Variants in LZTS1 observed in about 807,000 individuals in gnomAD.
LZTS1 encodes leucine zipper putative tumor suppressor 1.
LZTS1 carries 31 observed loss-of-function variants against 45.8 expected under a neutral mutation model. The ratio of observed to expected loss-of-function variants is 0.68; its 90% CI spans 0.51 to 0.91. The LOEUF (loss-of-function observed/expected upper bound fraction) is 0.91. Ranked by LOEUF, LZTS1 falls within the 40% of genes least tolerant of loss-of-function variation. The probability of loss-of-function intolerance (pLI) is 0.00; values close to 1 mark genes in which losing one functional copy is unlikely to be tolerated. For synonymous variants in LZTS1, 359 were observed against 357.3 expected, an observed-to-expected ratio of 1.00 and a Z score of -0.05; for missense variants, 821 against 788.9, an observed-to-expected ratio of 1.04 and a Z score of -0.49.
intron 1 of LZTS1, among the ~76,000 whole-genome samples, chr8:20,281,405 C>CAA (rs57769805): frequency 1.5e-5 from 2 of 133,656 alleles, no homozygotes; most frequent in Admixed American, 7.5e-5. Flanking sequence ...ACTAAAAATA[C>CAA]AAAAAAAAAA....
rs189952459 is a variant in LZTS1 at position 20,256,117 on chromosome 8, A to T, written c.-134-802T>A. Among the ~76,000 whole-genome samples, 7 of 151,530 alleles carry T rather than the reference A, an allele frequency of 4.6e-5. No individual in the cohort carries two copies. The East Asian group carries it at 1.4e-3, about 29-fold the overall frequency. ...AAGAAAAGAAAATGAGGTGCAAGTC[A>T]TATGAAAATCTAGGGGGAGAGGGGT... is the stretch of plus-strand genomic sequence containing the variant. On this transcript the variant is annotated intron_variant, in intron 1 of 3. Coordinates refer to ENST00000381569, the MANE Select transcript of LZTS1 (RefSeq NM_021020.5).
rs1585272538 is a variant in LZTS1 at position 20,250,352 on chromosome 8, C to A, written c.1161G>T (p.Lys387Asn). Residue 387 changes from lysine (K) to asparagine (N), a missense_variant, in exon 4 of 4, where the codon AAG becomes AAT. Lys to Asn is a moderately conservative substitution (Grantham distance 94). Transcript: ENST00000381569. ...LEETQWEVCQ[K>N]SGEISLLKQQ... is the part of the protein sequence containing the mutation. ...GCTTCAGGAGGGAGATCTCGCCTGA[C>A]TTCTGGCACACCTGCCGAGGGTGGG... 1 of 1,600,614 alleles carries A rather than the reference C, an allele frequency of 6.2e-7. No individual in the cohort carries two copies. The highest frequency in any genetic ancestry group is 8.5e-7 in the Non-Finnish European group (1 of 1,171,710).
intron 1 of LZTS1, among the ~76,000 whole-genome samples, chr8:20,266,024 A>AT (rs1175112355): frequency 0.011 from 1,608 of 144,590 alleles, 17 homozygotes; most frequent in African/African-American, 0.028. Context: ...ATGCTCAACA[A>AT]TTTTTTTTTT....
In LZTS1 at chr8:20,249,843, T is replaced by A. The variant is rs1563847257; in HGVS notation, c.1670A>T (p.Asn557Ile). 6.2e-7 allele frequency: 1 copy of A among 1,614,196 alleles called. No individual in the cohort carries two copies. Among genetic ancestry groups the A allele is most frequent in the Non-Finnish European group, 8.5e-7 (1 of 1,180,024 alleles). The change falls in exon 4 of 4, where the codon AAC (asparagine) becomes ATC (isoleucine). Residue 557 changes from asparagine (N) to isoleucine (I), a missense_variant. Asn to Ile is a moderately radical substitution (Grantham distance 149). Coordinates refer to ENST00000381569, the MANE Select transcript of LZTS1 (RefSeq NM_021020.5). The stretch of plus-strand genomic sequence containing the variant: ...CTGCAGGGCCTTCTCCAGGCGCTGG[T>A]TCCGCTGGTACATGGCCACGTAGCT... ...QQSYVAMYQR[N>I]QRLEKALQQL...
intron 1 of LZTS1, among the ~76,000 whole-genome samples, chr8:20,299,338 C>T (rs1801032026): frequency 6.6e-6 from 1 of 152,228 alleles, no homozygotes; most frequent in Admixed American, 6.5e-5. Context: ...AAGGTTCTGG[C>T]TCACCTGCCT....
At chr8:20,263,985 G>A (rs921128197) in intron 1 of LZTS1, among the ~76,000 whole-genome samples, 1 of 151,510 alleles carries the variant, frequency 6.6e-6, no homozygotes, top group Non-Finnish European at 1.5e-5. Flanking sequence ...AAACATCTCA[G>A]AGCTGGAGTC....
At chr8:20,262,567 G>A (rs1188800772) in intron 1 of LZTS1, among the ~76,000 whole-genome samples, 1 of 150,820 alleles carries the variant, frequency 6.6e-6, no homozygotes. Flanking sequence ...CTGATAAAGT[G>A]GTTTTGTAAA....
intron 1 of LZTS1, among the ~76,000 whole-genome samples, chr8:20,257,359 C>CA (rs920437640): frequency 8.3e-4 from 123 of 147,312 alleles, no homozygotes; most frequent in African/African-American, 2.7e-3. Flanking sequence ...GTTCCTGTCT[C>CA]AAAAAAAAAA....
chr8:20,291,373 C>G (rs895603695), intron 1 of LZTS1, among the ~76,000 whole-genome samples: 1 of 152,230 alleles, frequency 6.6e-6, no homozygotes, highest in African/African-American at 2.4e-5. Flanking sequence ...ACAGGCAACT[C>G]AGTCTCATGC....
At chr8:20,251,523 C>T (rs539045005) in intron 3 of LZTS1, among the ~76,000 whole-genome samples, 2 of 152,294 alleles carry the variant, frequency 1.3e-5, no homozygotes, top group Admixed American at 6.5e-5. Flanking sequence ...TCTTAAGATT[C>T]AGCCAGACTG....
chr8:20,292,187 TG>T (rs1210860411), intron 1 of LZTS1, among the ~76,000 whole-genome samples: 1 of 152,248 alleles, frequency 6.6e-6, no homozygotes, highest in African/African-American at 2.4e-5. Flanking sequence ...GATGCTGTTC[TG>T]AGAGTTTCAT....
Position 20,254,878 on chromosome 8 carries a change from T to C in LZTS1, c.304A>G (p.Thr102Ala). 6.2e-7 allele frequency: 1 copy of C among 1,613,974 alleles called. No individual in the cohort carries two copies. The highest frequency in any genetic ancestry group is 8.5e-7 in the Non-Finnish European group (1 of 1,179,926). ...GQAGVDFDPS[T>A]PPKLMPFSNQ... is the part of the protein sequence containing the mutation. Reference sequence around the variant, plus strand: ...GAGAAGGGCATGAGCTTGGGGGGTGTGGACGGGTCAAAGTCCACCCCAGCC... The same window carrying C: ...GAGAAGGGCATGAGCTTGGGGGGTGCGGACGGGTCAAAGTCCACCCCAGCC... Residue 102 changes from threonine (T) to alanine (A), a missense_variant, in exon 2 of 4, where the codon ACA becomes GCA. By Grantham distance (58) the Thr-to-Ala change is moderately conservative (BLOSUM62 0). Coordinates refer to ENST00000381569, the MANE Select transcript of LZTS1 (RefSeq NM_021020.5).
intron 1 of LZTS1, among the ~76,000 whole-genome samples, chr8:20,285,909 C>A (rs1488973840): frequency 6.6e-6 from 1 of 152,192 alleles, no homozygotes. Context: ...GGAGACATGG[C>A]AGGCAAGTGA....
intron 1 of LZTS1, among the ~76,000 whole-genome samples, chr8:20,296,206 G>A (rs1052163810): frequency 1.3e-5 from 2 of 152,206 alleles, no homozygotes; most frequent in African/African-American, 2.4e-5. Flanking sequence ...GGAGCCAAGT[G>A]CACAGCCCTG....
chr8:20,289,504 C>A (rs7017240), intron 1 of LZTS1, among the ~76,000 whole-genome samples: 122,014 of 151,676 alleles, frequency 0.8, 49,249 homozygotes, highest in East Asian at 0.97. Context: ...CACAATTGGC[C>A]CCTGCCAGAA....
intron 1 of LZTS1, among the ~76,000 whole-genome samples, chr8:20,291,409 G>C (rs902861407): frequency 1.3e-5 from 2 of 152,162 alleles, no homozygotes; most frequent in African/African-American, 4.8e-5. Flanking sequence ...TGGAACTGAG[G>C]GGAAGAGGGT....
intron 1 of LZTS1, among the ~76,000 whole-genome samples, chr8:20,281,059 G>C (rs538981745): frequency 6.6e-6 from 1 of 152,342 alleles, no homozygotes; most frequent in East Asian, 1.9e-4. Context: ...AGCAAAGACG[G>C]TGTCTACTCA....
chr8:20,276,437 C>A (rs1366205235), intron 1 of LZTS1, among the ~76,000 whole-genome samples: 1 of 152,146 alleles, frequency 6.6e-6, no homozygotes, highest in Non-Finnish European at 1.5e-5. Context: ...ATGTAGCCTC[C>A]ATAAAAACCC....
chr8:20,253,055 G>C lies in LZTS1; in HGVS notation c.876C>G (p.Ser292Arg). Residue 292 changes from serine (S) to arginine (R), a missense_variant, in exon 3 of 4, where the codon AGC becomes AGG. Physicochemically the swap from Ser to Arg is moderately radical, Grantham distance 110. Transcript: ENST00000381569. ...RSFEEKELAS[S>R]LAYEERPRRC... ...GCCGCGGCCGCTCCTCGTAGGCCAG[G>C]CTGGAGGCAAGCTCCTTCTCCTCAA... is the stretch of plus-strand genomic sequence containing the variant. 6.2e-7 allele frequency: 1 copy of C among 1,606,640 alleles called. No homozygotes were observed. The highest frequency in any genetic ancestry group is 1.1e-5 in the South Asian group (1 of 90,966).
Sources: allele counts gnomAD v4.1 joint callset (sites outside exome capture counted in the v4.1 genomes callset), GRCh38; gene constraint gnomAD v4.1.1; transcripts MANE v1.5; gene names NCBI Gene and HGNC (gene_info 2026-07-23, HGNC 2026-07-21).